The following WDR7 variants were observed in gnomAD, a reference collection of about 807,000 sequenced individuals.
WDR7 encodes WD repeat domain 7.
WDR7 carries 46 observed loss-of-function variants against 169.4 expected under a neutral mutation model. The observed-to-expected ratio is 0.27, with a 90% CI of 0.21 to 0.35. WDR7 has a LOEUF of 0.35. WDR7 is among the 10% of genes least tolerant of loss of function. WDR7 has a pLI of 1.00. For synonymous variants in WDR7, 612 were observed against 666.8 expected, an observed-to-expected ratio of 0.92 and a Z score of 1.27; for missense variants, 1,534 against 1,859.3, an observed-to-expected ratio of 0.83 and a Z score of 3.22.
At chr18:56,883,129 G>T (rs1159709282) in intron 21 of WDR7, among the ~76,000 whole-genome samples, 1 of 150,242 alleles carries the variant, frequency 6.7e-6, no homozygotes, top group Non-Finnish European at 1.5e-5. Flanking sequence ...AGAATGGCGT[G>T]AACCTGGGAG....
chr18:56,913,019 TAC>T (rs2046573837), intron 21 of WDR7, among the ~76,000 whole-genome samples: 1 of 152,016 alleles, frequency 6.6e-6, no homozygotes, highest in Admixed American at 6.5e-5. Flanking sequence ...GGACTGCAGG[TAC>T]ACACACCATG....
At chr18:56,709,409 A>C (rs975389688) in intron 12 of WDR7, among the ~76,000 whole-genome samples, 3 of 152,228 alleles carry the variant, frequency 2.0e-5, no homozygotes, top group Non-Finnish European at 4.4e-5. Context: ...AAAAGATAGA[A>C]TCTATGGTAT....
intron 25 of WDR7, among the ~76,000 whole-genome samples, chr18:56,960,187 C>A (rs190123279): frequency 2.6e-4 from 40 of 152,136 alleles, no homozygotes; most frequent in Admixed American, 7.9e-4. Flanking sequence ...GGAAAAGTAA[C>A]GATTTGATTC....
chr18:56,783,516 A>T (rs2145081774), intron 19 of WDR7, among the ~76,000 whole-genome samples: 1 of 152,266 alleles, frequency 6.6e-6, no homozygotes, highest in African/African-American at 2.4e-5. Flanking sequence ...ATCACTAAAG[A>T]ATTTTTTTAA....
At chr18:56,832,190 C>CGGAAAACCGCCTCTCTA (rs950414995) in intron 20 of WDR7, among the ~76,000 whole-genome samples, 3 of 152,100 alleles carry the variant, frequency 2.0e-5, no homozygotes, top group Non-Finnish European at 4.4e-5. Flanking sequence ...CTTCAGTAGG[C>CGGAAAACCGCCTCTCTA]GGTTTTCCTC....
intron 19 of WDR7, among the ~76,000 whole-genome samples, chr18:56,814,569 CT>C (rs928873652): frequency 6.6e-6 from 1 of 152,032 alleles, no homozygotes; most frequent in African/African-American, 2.4e-5. Flanking sequence ...TAACAAAGTG[CT>C]TCTGTAAGTT....
chr18:56,919,302 T>G (rs1014516305), intron 21 of WDR7, among the ~76,000 whole-genome samples: 1 of 152,204 alleles, frequency 6.6e-6, no homozygotes, highest in East Asian at 1.9e-4. Context: ...ACACATGTCC[T>G]TTTGTCCTTC....
At chr18:56,981,122 G>T (rs1233050805) in intron 26 of WDR7, among the ~76,000 whole-genome samples, 1 of 152,126 alleles carries the variant, frequency 6.6e-6, no homozygotes, top group Non-Finnish European at 1.5e-5. Flanking sequence ...AAAATTGGGA[G>T]AAATGAACCA....
intron 20 of WDR7, among the ~76,000 whole-genome samples, chr18:56,853,484 A>T (rs1432706285): frequency 2.6e-5 from 4 of 152,156 alleles, no homozygotes; most frequent in Non-Finnish European, 5.9e-5. Flanking sequence ...AACATCTTTG[A>T]TTCATTAAAT....
chr18:56,907,136 C>G (rs183570388), intron 21 of WDR7, among the ~76,000 whole-genome samples: 173 of 152,228 alleles, frequency 1.1e-3, no homozygotes, highest in African/African-American at 4.0e-3. Flanking sequence ...GATTCAAGAA[C>G]AAAATAGCTG....
intron 20 of WDR7, among the ~76,000 whole-genome samples, chr18:56,827,554 G>T (rs1381068311): frequency 1.3e-5 from 2 of 152,032 alleles, no homozygotes; most frequent in Non-Finnish European, 2.9e-5. Context: ...GCCTACCAGA[G>T]TCTGGGAAGG....
intron 20 of WDR7, among the ~76,000 whole-genome samples, chr18:56,832,465 T>G (rs2145288711): frequency 1.3e-5 from 2 of 152,290 alleles, no homozygotes; most frequent in South Asian, 4.1e-4. Context: ...GCAGCAGATC[T>G]CCCAGCACAG....
chr18:56,887,843 G>A (rs145336932), intron 21 of WDR7, among the ~76,000 whole-genome samples: 40 of 151,980 alleles, frequency 2.6e-4, no homozygotes, highest in African/African-American at 7.7e-4. Flanking sequence ...TCTGTCTTAC[G>A]TGTACTCTTT....
chr18:56,873,066 C>T (rs1422942788), intron 20 of WDR7, among the ~76,000 whole-genome samples: 1 of 152,164 alleles, frequency 6.6e-6, no homozygotes, highest in African/African-American at 2.4e-5. Flanking sequence ...GGGCATCTCT[C>T]CCTTATAGAA....
At chr18:56,672,359 AT>A in intron 1 of WDR7, 137 bp from the exon 2 acceptor site, 8 of 639,952 alleles carry the variant, frequency 1.3e-5, no homozygotes, top group Admixed American at 4.2e-5. Context: ...TTTTTTGAAA[AT>A]AATAAATATT....
chr18:56,759,186 G>T (rs1243561613), intron 16 of WDR7, among the ~76,000 whole-genome samples: 1 of 152,080 alleles, frequency 6.6e-6, no homozygotes, highest in East Asian at 1.9e-4. Context: ...ACTGTCTTTG[G>T]ACTAATTTTT....
rs529249216 is a variant in WDR7 at position 56,839,629 on chromosome 18, A to C, written c.3304+23485A>C. 6.8e-4 allele frequency among the ~76,000 whole-genome samples: 103 copies of C among 152,356 alleles called. 1 individual carries two copies. Among genetic ancestry groups the C allele is most frequent in the Middle Eastern group, 6.8e-3 (2 of 294 alleles). On this transcript the variant is annotated intron_variant, in intron 20 of 27. Coordinates refer to ENST00000254442, the MANE Select transcript of WDR7 (RefSeq NM_015285.3). ...AAATCTCATGGGAGAAAAAAATAGT[A>C]TAAAGCAGAAGACCATGGCAATCAG...
intron 26 of WDR7, chr18:57,010,149 G>A: frequency 1.0e-6 from 1 of 985,460 alleles, no homozygotes; most frequent in Non-Finnish European, 1.2e-6. Flanking sequence ...TATTTTCATA[G>A]CACAGTATAA....
intron 12 of WDR7, among the ~76,000 whole-genome samples, chr18:56,715,672 T>C (rs1186412332): frequency 6.6e-6 from 1 of 152,022 alleles, no homozygotes; most frequent in African/African-American, 2.4e-5. Context: ...TTAAATATTA[T>C]AGATATAAAA....
Sources: allele counts gnomAD v4.1 joint callset (sites outside exome capture counted in the v4.1 genomes callset), GRCh38; gene constraint gnomAD v4.1.1; transcripts MANE v1.5; gene names NCBI Gene and HGNC (gene_info 2026-07-23, HGNC 2026-07-21).